TPH2: variants seen among roughly 807,000 people sequenced by gnomAD.
The protein encoded by TPH2 is tryptophan hydroxylase 2.
TPH2 carries 27 observed loss-of-function variants against 59.1 expected under a neutral mutation model. That is an observed-to-expected ratio of 0.46 (90% CI 0.34 to 0.63). The LOEUF (loss-of-function observed/expected upper bound fraction) is 0.63. TPH2 is among the 30% of genes least tolerant of loss of function. TPH2 has a pLI of 0.01. For missense variants in TPH2, 523 were observed against 588.3 expected, an observed-to-expected ratio of 0.89 and a Z score of 1.15; for synonymous variants, 220 against 210.5, an observed-to-expected ratio of 1.05 and a Z score of -0.39.
intron 5 of TPH2, chr12:71,965,168 T>G (rs1405567853): frequency 6.6e-6 from 1 of 152,232 alleles, no homozygotes; most frequent in Non-Finnish European, 1.5e-5. Flanking sequence ...ACCACATTTT[T>G]CTCATGCAAT....
At chr12:71,940,372 A>T (rs185070611) in intron 1 of TPH2, among the ~76,000 whole-genome samples, 11 of 152,158 alleles carry the variant, frequency 7.2e-5, no homozygotes, top group African/African-American at 2.7e-4. Flanking sequence ...TAAAATCTCC[A>T]TCTCTATTAT....
At chr12:71,996,333 T>C (rs1248953870) in intron 8 of TPH2, among the ~76,000 whole-genome samples, 2 of 152,224 alleles carry the variant, frequency 1.3e-5, no homozygotes, top group African/African-American at 4.8e-5. Flanking sequence ...ATTGGCCATA[T>C]TCCGTTCATT....
At chr12:71,985,235 G>C (rs553190772) in intron 7 of TPH2, among the ~76,000 whole-genome samples, 1 of 152,352 alleles carries the variant, frequency 6.6e-6, no homozygotes, top group East Asian at 1.9e-4. Context: ...AACTTCAGGA[G>C]TAATGCCAGC....
chr12:71,983,261 C>T (rs921281996), intron 7 of TPH2, among the ~76,000 whole-genome samples: 2 of 152,128 alleles, frequency 1.3e-5, no homozygotes, highest in South Asian at 2.1e-4. Flanking sequence ...CTTGCTTTTT[C>T]TCCCTTTGAG....
At chr12:71,976,940 C>T (rs891363171) in intron 6 of TPH2, among the ~76,000 whole-genome samples, 9 of 152,028 alleles carry the variant, frequency 5.9e-5, no homozygotes, top group African/African-American at 1.9e-4. Flanking sequence ...TACACAGAAG[C>T]GAAGAATAGA....
At chr12:71,981,513 G>A (rs1021665364) in intron 7 of TPH2, among the ~76,000 whole-genome samples, 1 of 152,158 alleles carries the variant, frequency 6.6e-6, no homozygotes, top group Non-Finnish European at 1.5e-5. Context: ...GGAGCTAGAT[G>A]AGGTCAGAGG....
At chr12:72,000,208 G>A (rs180944125) in intron 8 of TPH2, among the ~76,000 whole-genome samples, 110 of 152,286 alleles carry the variant, frequency 7.2e-4, no homozygotes, top group Non-Finnish European at 1.3e-3. Context: ...ATGCAAAATG[G>A]TTAATGTTCT....
intron 7 of TPH2, among the ~76,000 whole-genome samples, chr12:71,986,168 C>G (rs777409824): frequency 6.6e-6 from 1 of 152,156 alleles, no homozygotes; most frequent in Non-Finnish European, 1.5e-5. Context: ...GTATGACTGT[C>G]GGCAAGCCAT....
chr12:71,959,690 A>G (rs1227551028), intron 5 of TPH2, among the ~76,000 whole-genome samples: 1 of 152,182 alleles, frequency 6.6e-6, no homozygotes, highest in Non-Finnish European at 1.5e-5. Flanking sequence ...TGAGTGCCAC[A>G]TTACCTATTT....
At chr12:71,982,830 A>G (rs1308835297) in intron 7 of TPH2, among the ~76,000 whole-genome samples, 10 of 152,246 alleles carry the variant, frequency 6.6e-5, no homozygotes, top group Non-Finnish European at 1.5e-5. Flanking sequence ...ATGAAGCAAC[A>G]AAAAATACAT....
Position 71,944,383 on chromosome 12 carries a change from G to A in TPH2, c.345G>A (p.Gly115=), listed in dbSNP as rs148282526. The change falls in exon 3 of 11, where the codon GGG becomes GGA. Residue 115 remains glycine, a synonymous_variant. Transcript: ENST00000333850. ...AAATCTTTGTGGACTGTGAGTGTGG[G>A]AAAACAGAATTCAATGAGCTCATTC... ...EVEIFVDCEC[G]KTEFNELIQL... 1 of 1,613,908 alleles carries A rather than the reference G, an allele frequency of 6.2e-7. No homozygotes were observed. The highest frequency in any genetic ancestry group is 1.3e-5 in the African/African-American group (1 of 74,996).
chr12:71,997,972 A>T (rs1214761195), intron 8 of TPH2, among the ~76,000 whole-genome samples: 1 of 152,134 alleles, frequency 6.6e-6, no homozygotes, highest in African/African-American at 2.4e-5. Flanking sequence ...GCTAGAAGAG[A>T]TGGTCTTCTC....
At chr12:71,995,162 T>C (rs1035180068) in intron 8 of TPH2, among the ~76,000 whole-genome samples, 4 of 152,178 alleles carry the variant, frequency 2.6e-5, no homozygotes, top group Non-Finnish European at 4.4e-5. Context: ...AAAGATTTAA[T>C]GGATGTTATA....
chr12:71,999,596 T>A (rs571814164), intron 8 of TPH2, among the ~76,000 whole-genome samples: 1 of 152,358 alleles, frequency 6.6e-6, no homozygotes, highest in South Asian at 2.1e-4. Context: ...TGTTAGGAGT[T>A]GTAAACTTAA....
At chr12:71,990,619 A>G (rs1405982273) in intron 7 of TPH2, among the ~76,000 whole-genome samples, 3 of 152,226 alleles carry the variant, frequency 2.0e-5, no homozygotes, top group Non-Finnish European at 2.9e-5. Flanking sequence ...TCCTTTGTCT[A>G]CATGTACCTG....
chr12:71,990,704 TAA>T lies in TPH2; in HGVS notation c.942-3734_942-3733del, dbSNP rs763242483. Among the ~76,000 whole-genome samples, 88 of 152,212 alleles carry T rather than the reference TAA, an allele frequency of 5.8e-4. 1 individual carries two copies. Among genetic ancestry groups the T allele is most frequent in the Admixed American group, 3.3e-4 (5 of 15,274 alleles). On this transcript the variant is annotated intron_variant, in intron 7 of 10. Coordinates refer to ENST00000333850, the MANE Select transcript of TPH2 (RefSeq NM_173353.4). ...GTTTCACCAAAGACATAAAATATAA[TAA>T]CCTTGTTCCTGGTCTTGAAATACAG...
At chr12:72,030,222 G>T (rs1437441451) in intron 9 of TPH2, among the ~76,000 whole-genome samples, 2 of 152,048 alleles carry the variant, frequency 1.3e-5, no homozygotes, top group Non-Finnish European at 2.9e-5. Context: ...TTAAGAAAAA[G>T]AATTAAGAGG....
In TPH2 at chr12:71,987,950, T is replaced by A. The variant is rs375258340; in HGVS notation, c.942-6489T>A. Among the ~76,000 whole-genome samples the A allele has an allele frequency of 3.1e-4, 47 of 152,336 alleles. 1 individual carries two copies. The South Asian group carries it at 7.7e-3, about 25-fold the overall frequency. ...CTGTGCTGTCCAATATGGTGAGATG[T>A]GGTTATCTACATTTATTAATTAAAA... is the stretch of plus-strand genomic sequence containing the variant. On this transcript the variant is annotated intron_variant, in intron 7 of 10. Transcript: ENST00000333850.
intron 9 of TPH2, among the ~76,000 whole-genome samples, chr12:72,028,070 T>C (rs1873618449): frequency 6.6e-6 from 1 of 152,096 alleles, no homozygotes; most frequent in Non-Finnish European, 1.5e-5. Context: ...TACGGGTAAA[T>C]CCAAAATAGT....
Sources: gnomAD v4.1 joint callset for allele counts (sites outside exome capture counted in the v4.1 genomes callset) on GRCh38, gnomAD v4.1.1 for gene constraint, MANE v1.5 for transcripts, NCBI Gene and HGNC (gene_info 2026-07-23, HGNC 2026-07-21) for gene names.